PDE4D: variants seen among roughly 807,000 people sequenced by gnomAD.
The protein encoded by PDE4D is phosphodiesterase 4D.
A neutral mutation model predicts 87.4 loss-of-function variants in PDE4D; 24 were observed. The observed-to-expected ratio is 0.27, with a 90% CI of 0.20 to 0.39. The LOEUF (loss-of-function observed/expected upper bound fraction) is 0.39. Ranked by LOEUF, PDE4D falls within the 10% of genes least tolerant of loss-of-function variation. PDE4D has a pLI of 1.00. For missense variants in PDE4D, 714 were observed against 1,041.0 expected, an observed-to-expected ratio of 0.69 and a Z score of 4.32; for synonymous variants, 384 against 383.2, an observed-to-expected ratio of 1.00 and a Z score of -0.02.
At chr5:59,897,560 T>C (rs962075745), upstream of PDE4D, among the ~76,000 whole-genome samples, 31 of 152,170 alleles carry the variant, frequency 2.0e-4, no homozygotes, top group Admixed American at 2.0e-3. Flanking sequence ...CATTAACTTG[T>C]CATTTACATT....
chr5:59,311,252 C>T (rs558208573), intron 1 of PDE4D, among the ~76,000 whole-genome samples: 1 of 151,916 alleles, frequency 6.6e-6, no homozygotes, highest in Non-Finnish European at 1.5e-5. Context: ...TTCAGCTGGG[C>T]GTGGTGGCTC....
At chr5:60,474,106 A>ATATATATATATGTGTATATATG (rs70975389) in intron 1 of PDE4D, among the ~76,000 whole-genome samples, 1 of 12,666 alleles carries the variant, frequency 7.9e-5, no homozygotes, top group East Asian at 1.4e-3. Flanking sequence ...TTGAGCTGCC[A>ATATATATATATGTGTATATATG]TATATATATA....
chr5:59,426,048 A>C (rs1031686559), intron 1 of PDE4D, among the ~76,000 whole-genome samples: 2 of 152,174 alleles, frequency 1.3e-5, no homozygotes, highest in Admixed American at 6.6e-5. Context: ...TTATAAAAGC[A>C]GGAAATTTTG....
chr5:59,451,147 A>G lies in PDE4D; in HGVS notation c.456-235179T>C, dbSNP rs1228848209. Among the ~76,000 whole-genome samples the G allele has an allele frequency of 1.3e-4, 20 of 152,322 alleles. 1 individual carries two copies. The highest frequency in any genetic ancestry group is 1.3e-3 in the Admixed American group (20 of 15,298). On this transcript the variant is annotated intron_variant, in intron 1 of 14. Transcript: ENST00000340635. ...AACTGACTTGTGTTTCACTAAACCAATGAACATTTCTGAAGCTATTGGCCA... is the reference window on the plus strand; with the variant it reads ...AACTGACTTGTGTTTCACTAAACCAGTGAACATTTCTGAAGCTATTGGCCA...
At position 59,643,067 on chromosome 5, in the gene PDE4D, A is replaced by C. The variant is rs112720223; in HGVS notation, c.455+250101T>G. Among the ~76,000 whole-genome samples, 775 of 152,260 alleles carry C rather than the reference A, an allele frequency of 5.1e-3. 4 individuals carry two copies. Among genetic ancestry groups the C allele is most frequent in the African/African-American group, 0.018 (745 of 41,550 alleles). On this transcript the variant is annotated intron_variant, in intron 1 of 14. Coordinates refer to ENST00000340635, the MANE Select transcript of PDE4D (RefSeq NM_001104631.2). Reference sequence around the variant, plus strand: ...TGCTTGCTCATGAAAGAATGGAAAAACTGGACAAAATGAATGAAACAACAG... The same window carrying C: ...TGCTTGCTCATGAAAGAATGGAAAACCTGGACAAAATGAATGAAACAACAG...
intron 2 of PDE4D, among the ~76,000 whole-genome samples, chr5:60,152,977 T>C (rs1296206692): frequency 6.6e-6 from 1 of 152,198 alleles, no homozygotes; most frequent in Non-Finnish European, 1.5e-5. Flanking sequence ...TGACAATAAT[T>C]TCTTGGATAT....
intron 1 of PDE4D, among the ~76,000 whole-genome samples, chr5:60,424,191 C>T (rs572374262): frequency 1.3e-5 from 2 of 150,948 alleles, no homozygotes; most frequent in African/African-American, 4.8e-5. Context: ...ATTTTATGAG[C>T]ATCATTCTGA....
At chr5:59,098,617 T>G (rs943223320) in intron 5 of PDE4D, among the ~76,000 whole-genome samples, 1 of 144,314 alleles carries the variant, frequency 6.9e-6, no homozygotes, top group Non-Finnish European at 1.5e-5. Context: ...AGTGGGAGAA[T>G]TGCTTGAGTG....
chr5:59,499,831 T>C (rs1807953746), intron 1 of PDE4D, among the ~76,000 whole-genome samples: 1 of 151,750 alleles, frequency 6.6e-6, no homozygotes, highest in Admixed American at 6.6e-5. Flanking sequence ...CACAGCTGAA[T>C]TCTACCAGAC....
At chr5:60,120,841 G>C (rs755273041) in intron 2 of PDE4D, among the ~76,000 whole-genome samples, 29 of 152,096 alleles carry the variant, frequency 1.9e-4, no homozygotes, top group Admixed American at 1.2e-3. Flanking sequence ...TAGATTGAAG[G>C]ATGCAAAGTA....
chr5:60,131,032 T>C (rs1779519821), intron 2 of PDE4D, among the ~76,000 whole-genome samples: 1 of 152,182 alleles, frequency 6.6e-6, no homozygotes, highest in South Asian at 2.1e-4. Context: ...TCAGAATTAG[T>C]AGGCCACTCA....
chr5:59,560,338 G>A (rs1179964097), intron 1 of PDE4D, among the ~76,000 whole-genome samples: 1 of 152,102 alleles, frequency 6.6e-6, no homozygotes. Flanking sequence ...GTAAAAAGGT[G>A]AGAAAAACAT....
At chr5:59,048,881 G>A (rs1401708806) in intron 5 of PDE4D, among the ~76,000 whole-genome samples, 1 of 152,028 alleles carries the variant, frequency 6.6e-6, no homozygotes, top group Non-Finnish European at 1.5e-5. Context: ...TTCATATAAT[G>A]GTCTACTACT....
intron 1 of PDE4D, among the ~76,000 whole-genome samples, chr5:59,498,599 A>G (rs1807659769): frequency 2.6e-5 from 4 of 151,968 alleles, no homozygotes; most frequent in Admixed American, 2.6e-4. Flanking sequence ...TATCATGCAA[A>G]TAGGAAACAA....
chr5:60,170,397 A>G (rs1783309278), intron 2 of PDE4D, among the ~76,000 whole-genome samples: 2 of 152,020 alleles, frequency 1.3e-5, no homozygotes, highest in South Asian at 2.1e-4. Flanking sequence ...AAACTAAAAA[A>G]GAAGGAAAAG....
At chr5:60,416,818 TCTGAATAACTTTGTGGAAC>T (rs1561229126) in intron 1 of PDE4D, among the ~76,000 whole-genome samples, 1 of 152,230 alleles carries the variant, frequency 6.6e-6, no homozygotes, top group African/African-American at 2.4e-5. Context: ...AGCTTGGGAA[TCTGAATAACTTTGTGGAAC>T]ATGCTGTGTC....
At chr5:59,878,171 T>C (rs1748890435) in intron 1 of PDE4D, among the ~76,000 whole-genome samples, 1 of 152,186 alleles carries the variant, frequency 6.6e-6, no homozygotes, top group African/African-American at 2.4e-5. Flanking sequence ...TCAGATGAGT[T>C]GAGAAAACCA....
At chr5:59,130,533 C>A (rs2153450652) in intron 5 of PDE4D, among the ~76,000 whole-genome samples, 1 of 152,268 alleles carries the variant, frequency 6.6e-6, no homozygotes, top group Non-Finnish European at 1.5e-5. Context: ...ATAATAATAG[C>A]ATTTTAACTC....
At chr5:60,362,667 G>A (rs1211353040) in intron 1 of PDE4D, among the ~76,000 whole-genome samples, 1 of 152,000 alleles carries the variant, frequency 6.6e-6, no homozygotes, top group Non-Finnish European at 1.5e-5. Context: ...AGACCAGCCT[G>A]GGCCAACATG....
Sources: gnomAD v4.1 joint callset for allele counts (sites outside exome capture counted in the v4.1 genomes callset) on GRCh38, gnomAD v4.1.1 for gene constraint, MANE v1.5 for transcripts, NCBI Gene and HGNC (gene_info 2026-07-23, HGNC 2026-07-21) for gene names.